Variants in RPS6KA2 observed in about 807,000 individuals in gnomAD.
The protein encoded by RPS6KA2 is ribosomal protein S6 kinase alpha-2.
Under a neutral mutation model 91.8 loss-of-function variants are expected in RPS6KA2, and 42 were observed. The ratio of observed to expected loss-of-function variants is 0.46; its 90% CI spans 0.36 to 0.59. The LOEUF is 0.59. Among genes scored for constraint, RPS6KA2 ranks in the 20% least tolerant of loss-of-function variants. RPS6KA2 has a pLI of 0.00. For synonymous variants in RPS6KA2, 414 were observed against 393.6 expected, an observed-to-expected ratio of 1.05 and a Z score of -0.61; for missense variants, 798 against 978.5, an observed-to-expected ratio of 0.82 and a Z score of 2.46.
chr6:166,443,778 G>T (rs559704680), intron 14 of RPS6KA2, among the ~76,000 whole-genome samples: 1 of 152,206 alleles, frequency 6.6e-6, no homozygotes, highest in East Asian at 1.9e-4. Flanking sequence ...ATAAATCTGT[G>T]TATATTTTAT....
At chr6:166,467,005 TACTCATTCATTC>T (rs901046637) in intron 11 of RPS6KA2, among the ~76,000 whole-genome samples, 18 of 144,038 alleles carry the variant, frequency 1.2e-4, no homozygotes, top group Non-Finnish European at 2.3e-4. Flanking sequence ...CTCACTCCTT[TACTCATTCATTC>T]ACTCATTCAT....
intron 2 of RPS6KA2, among the ~76,000 whole-genome samples, chr6:166,535,840 C>T (rs542138757): frequency 9.2e-5 from 14 of 152,374 alleles, no homozygotes; most frequent in African/African-American, 2.9e-4. Flanking sequence ...CTCTAGATAG[C>T]GATGAAATCA....
At chr6:166,643,708 A>G (rs898658683) in intron 2 of RPS6KA2, among the ~76,000 whole-genome samples, 10 of 152,224 alleles carry the variant, frequency 6.6e-5, no homozygotes, top group African/African-American at 2.4e-4. Flanking sequence ...TTTGTTTACC[A>G]AGATTAATAC....
chr6:166,801,021 G>T (rs1779351584), intron 2 of RPS6KA2, among the ~76,000 whole-genome samples: 1 of 152,180 alleles, frequency 6.6e-6, no homozygotes, highest in Admixed American at 6.5e-5. Context: ...GAGTGATACT[G>T]AGAAATTCTC....
chr6:166,803,451 T>C (rs1327150001), intron 2 of RPS6KA2, among the ~76,000 whole-genome samples: 1 of 152,242 alleles, frequency 6.6e-6, no homozygotes, highest in Non-Finnish European at 1.5e-5. Context: ...TTGGCCCTCA[T>C]GCCCGGCTCA....
In RPS6KA2 at chr6:166,411,256, AG is replaced by A. The variant is rs1778292637; in HGVS notation, c.*1505del. 1 of 151,272 alleles carries A rather than the reference AG, an allele frequency of 6.6e-6. No individual in the cohort carries two copies. The highest frequency in any genetic ancestry group is 2.1e-4 in the South Asian group (1 of 4,784). The allele number at this position is 151,272 out of a possible 1,614,324, so 9.4% of individuals were successfully genotyped here. The stretch of plus-strand genomic sequence containing the variant: ...TAGTTGGGTACGAGAATCGAGATGG[AG>A]GGGGAACAAAACCCAACAAAATAAC... On this transcript the variant is annotated 3_prime_UTR_variant, in exon 21 of 21. Transcript: ENST00000265678. The surrounding 1 kb of genome is among the most constrained non-coding windows in gnomAD (Gnocchi z 4.5).
intron 1 of RPS6KA2, among the ~76,000 whole-genome samples, chr6:166,551,979 C>T (rs559126537): frequency 6.6e-6 from 1 of 152,312 alleles, no homozygotes; most frequent in East Asian, 1.9e-4. Context: ...CCTTGCAGAC[C>T]GCCTTCCGAC....
intron 1 of RPS6KA2, among the ~76,000 whole-genome samples, chr6:166,540,353 C>T (rs1231221442): frequency 6.6e-6 from 1 of 152,218 alleles, no homozygotes; most frequent in African/African-American, 2.4e-5. Flanking sequence ...GATTAGAGGC[C>T]TATGCAGTTA....
intron 1 of RPS6KA2, among the ~76,000 whole-genome samples, chr6:166,589,748 C>CT (rs1234583927): frequency 6.6e-6 from 1 of 152,214 alleles, no homozygotes; most frequent in African/African-American, 2.4e-5. Context: ...GTCTATCAGT[C>CT]TTACAGAAGA....
chr6:166,561,065 A>G (rs1011960286), intron 1 of RPS6KA2, among the ~76,000 whole-genome samples: 1 of 152,146 alleles, frequency 6.6e-6, no homozygotes, highest in African/African-American at 2.4e-5. Context: ...CCACCATTAA[A>G]ACAAAAAACT....
chr6:166,513,799 C>A (rs941080311), intron 3 of RPS6KA2, among the ~76,000 whole-genome samples: 1 of 152,210 alleles, frequency 6.6e-6, no homozygotes, highest in African/African-American at 2.4e-5. Context: ...GCCAGGATAG[C>A]GCAGAACACT....
intron 2 of RPS6KA2, among the ~76,000 whole-genome samples, chr6:166,715,057 G>A (rs1017799014): frequency 1.4e-4 from 22 of 152,232 alleles, no homozygotes; most frequent in African/African-American, 5.3e-4. Flanking sequence ...GGGCTGAGGA[G>A]CAAACCTCAC....
At chr6:166,689,303 C>T (rs76351861) in intron 2 of RPS6KA2, among the ~76,000 whole-genome samples, 2,114 of 152,308 alleles carry the variant, frequency 0.014, 47 homozygotes, top group African/African-American at 0.047. Context: ...GCCAGGAGCC[C>T]GGGATGAAGG....
At chr6:166,582,569 T>C (rs1438222083) in intron 1 of RPS6KA2, among the ~76,000 whole-genome samples, 1 of 152,236 alleles carries the variant, frequency 6.6e-6, no homozygotes, top group Admixed American at 6.5e-5. Flanking sequence ...ACAAGTTTTA[T>C]AGTATGCAAT....
At chr6:166,643,539 A>G (rs1046751434) in intron 2 of RPS6KA2, among the ~76,000 whole-genome samples, 5 of 152,248 alleles carry the variant, frequency 3.3e-5, no homozygotes, top group African/African-American at 1.2e-4. Flanking sequence ...CATGCACCAA[A>G]TAATATAGCT....
Position 166,719,577 on chromosome 6 carries a change from G to C in RPS6KA2, c.123+138623C>G, listed in dbSNP as rs373341065. On this transcript the variant is annotated intron_variant, in intron 2 of 21. Coordinates refer to the RPS6KA2 transcript ENST00000503859. ...GTATCTATGAAAATACATCTATTTTGCATGGTCTTCTTAAACCCCACAATG... is the reference window on the plus strand; with the variant it reads ...GTATCTATGAAAATACATCTATTTTCCATGGTCTTCTTAAACCCCACAATG... Among the ~76,000 whole-genome samples, 17 of 152,278 alleles carry C rather than the reference G, an allele frequency of 1.1e-4. No homozygotes were observed. The East Asian group carries it at 3.3e-3, about 29-fold the overall frequency.
intron 1 of RPS6KA2, among the ~76,000 whole-genome samples, chr6:166,858,968 C>T (rs929652218): frequency 2.1e-5 from 3 of 145,470 alleles, no homozygotes; most frequent in South Asian, 2.4e-4. Flanking sequence ...GAGAGCTCCA[C>T]GGAAGAACAC....
At chr6:166,656,926 A>G (rs1224625743) in intron 2 of RPS6KA2, among the ~76,000 whole-genome samples, 1 of 152,106 alleles carries the variant, frequency 6.6e-6, no homozygotes, top group East Asian at 1.9e-4. Flanking sequence ...ACTCTCTCTG[A>G]CTCAGAGAAA....
At chr6:166,793,561 A>G (rs1419411543) in intron 2 of RPS6KA2, among the ~76,000 whole-genome samples, 1 of 149,522 alleles carries the variant, frequency 6.7e-6, no homozygotes, top group Non-Finnish European at 1.5e-5. Context: ...TCCTAAGCCA[A>G]AAGAACAAAG....
Sources: gnomAD v4.1 joint callset for allele counts (sites outside exome capture counted in the v4.1 genomes callset) on GRCh38, gnomAD v4.1.1 for gene constraint, Gnocchi (gnomAD v3.1) non-coding constraint, MANE v1.5 for transcripts, NCBI Gene and HGNC (gene_info 2026-07-23, HGNC 2026-07-21) for gene names.